The following NLN variants were observed in gnomAD, a reference collection of about 807,000 sequenced individuals.
The protein encoded by NLN is neurolysin, mitochondrial.
Under a neutral mutation model 79.9 loss-of-function variants are expected in NLN, and 64 were observed. The ratio of observed to expected loss-of-function variants is 0.80; its 90% CI spans 0.65 to 0.99. The LOEUF (loss-of-function observed/expected upper bound fraction) is 0.99, where lower values mean the gene tolerates loss of function less well. NLN is among the 50% of genes least tolerant of loss of function. The probability of loss-of-function intolerance (pLI) is 0.00; values close to 1 mark genes in which losing one functional copy is unlikely to be tolerated. For missense variants in NLN, 835 were observed against 858.7 expected, an observed-to-expected ratio of 0.97 and a Z score of 0.34; for synonymous variants, 267 against 296.6, an observed-to-expected ratio of 0.90 and a Z score of 1.02.
chr5:65,785,658 G>T, intron 6 of NLN, 117 bp from the exon 7 acceptor site: 1 of 754,912 alleles, frequency 1.3e-6, no homozygotes, highest in South Asian at 2.5e-5. Flanking sequence ...AATTTAAATG[G>T]TCTAAAAATA....
At chr5:65,727,555 A>G (rs1561174562) in intron 1 of NLN, among the ~76,000 whole-genome samples, 1 of 152,128 alleles carries the variant, frequency 6.6e-6, no homozygotes, top group African/African-American at 2.4e-5. Context: ...AAAAACCTCT[A>G]TATTGCCATA....
intron 9 of NLN, among the ~76,000 whole-genome samples, chr5:65,808,424 G>GA (rs1760469678): frequency 2.6e-5 from 4 of 152,296 alleles, no homozygotes; most frequent in Admixed American, 2.6e-4. Flanking sequence ...CATCAGAGGA[G>GA]AAAAACAGGA....
rs777920947 is a variant in NLN at position 65,722,410 on chromosome 5, C to T, written c.37C>T (p.Arg13Cys). Residue 13 changes from arginine to cysteine, a missense_variant, in exon 1 of 13, where the codon CGC becomes TGC. Arg to Cys is a radical substitution (Grantham distance 180, BLOSUM62 -3). Coordinates refer to ENST00000380985, the MANE Select transcript of NLN (RefSeq NM_020726.5). ...ARCLLAVRSL[R>C]RVGGSRILLR... The stretch of plus-strand genomic sequence containing the variant: ...GTGCCTTTTGGCTGTGCGAAGCCTC[C>T]GCAGGTACCTCCAGCGCGCGGGTTA... 1.3e-6 allele frequency: 2 copies of T among 1,589,968 alleles called. No homozygotes were observed. The highest frequency in any genetic ancestry group is 2.3e-5 in the South Asian group (2 of 87,254).
At chr5:65,802,728 G>A (rs1760315734) in intron 9 of NLN, among the ~76,000 whole-genome samples, 1 of 152,180 alleles carries the variant, frequency 6.6e-6, no homozygotes, top group South Asian at 2.1e-4. Context: ...CGCACAATGG[G>A]TAGCTCCTCT....
chr5:65,774,224 G>A (rs1759632512), intron 3 of NLN, among the ~76,000 whole-genome samples: 1 of 151,998 alleles, frequency 6.6e-6, no homozygotes, highest in Admixed American at 6.6e-5. Flanking sequence ...GTTACAGGAG[G>A]AAGTTAGCGG....
chr5:65,727,458 T>C (rs1758503091), intron 1 of NLN, among the ~76,000 whole-genome samples: 1 of 151,918 alleles, frequency 6.6e-6, no homozygotes, highest in Admixed American at 6.6e-5. Context: ...GAGTGTACTA[T>C]CATGCCTGGC....
At position 65,722,273 on chromosome 5, in the gene NLN, A is replaced by G; in HGVS notation, c.-101A>G. ...GGCAGCCACTGTGGCCTCTGCGGCT[A>G]GGCCGGCTCGAGACTCCCGGGCGCC... On this transcript the variant is annotated 5_prime_UTR_variant, in exon 1 of 13. Coordinates refer to ENST00000380985, the MANE Select transcript of NLN (RefSeq NM_020726.5). 1.1e-6 allele frequency: 1 copy of G among 888,260 alleles called. No individual in the cohort carries two copies. The highest frequency in any genetic ancestry group is 1.6e-6 in the Non-Finnish European group (1 of 616,632). 55.0% of individuals were successfully genotyped at this position (888,260 alleles called of 1,614,324 possible). A position where few individuals can be genotyped will look rare whatever the true frequency, so the allele number is the denominator to read the frequency against.
chr5:65,787,427 C>T (rs1759954757), intron 7 of NLN, among the ~76,000 whole-genome samples: 1 of 152,138 alleles, frequency 6.6e-6, no homozygotes, highest in African/African-American at 2.4e-5. Context: ...TGTGAGGTTG[C>T]CTTCTGAACT....
intron 9 of NLN, among the ~76,000 whole-genome samples, chr5:65,804,860 G>A (rs1259761511): frequency 6.6e-6 from 1 of 152,116 alleles, no homozygotes; most frequent in Admixed American, 6.6e-5. Context: ...TGTCTGTTAT[G>A]GTGATCTGTG....
At chr5:65,808,458 G>C (rs1760470536) in intron 9 of NLN, among the ~76,000 whole-genome samples, 1 of 152,172 alleles carries the variant, frequency 6.6e-6, no homozygotes, top group Admixed American at 6.5e-5. Context: ...AAAGACAACG[G>C]AATGAGGAGC....
chr5:65,736,104 T>C (rs34988), intron 1 of NLN, among the ~76,000 whole-genome samples: 69,047 of 152,014 alleles, frequency 0.45, 16,320 homozygotes, highest in Non-Finnish European at 0.52. Flanking sequence ...AGTGCCCCCT[T>C]CAACCATGTC....
chr5:65,801,663 A>G (rs910778296), intron 9 of NLN, among the ~76,000 whole-genome samples: 1 of 152,196 alleles, frequency 6.6e-6, no homozygotes, highest in Non-Finnish European at 1.5e-5. Flanking sequence ...TCTTTAGAAG[A>G]CATTGTTGAT....
intron 9 of NLN, among the ~76,000 whole-genome samples, chr5:65,798,518 GT>G (rs759955473): frequency 6.5e-4 from 99 of 152,306 alleles, no homozygotes; most frequent in Non-Finnish European, 1.2e-3. Flanking sequence ...CTCTGTGTGA[GT>G]TGACTGTTGA....
At chr5:65,774,639 T>C (rs903839212) in intron 3 of NLN, among the ~76,000 whole-genome samples, 3 of 151,954 alleles carry the variant, frequency 2.0e-5, no homozygotes, top group South Asian at 4.1e-4. Flanking sequence ...CTGGTTATAA[T>C]AGTCAGATTT....
chr5:65,771,695 T>G (rs1759569538), intron 3 of NLN, among the ~76,000 whole-genome samples: 2 of 152,210 alleles, frequency 1.3e-5, no homozygotes, highest in Admixed American at 1.3e-4. Flanking sequence ...TGACCAGCCA[T>G]GGAGACCCAG....
intron 1 of NLN, among the ~76,000 whole-genome samples, chr5:65,739,334 G>A (rs959833371): frequency 1.3e-5 from 2 of 151,992 alleles, no homozygotes; most frequent in African/African-American, 4.8e-5. Context: ...CATCCATGTT[G>A]TCACAAATGA....
chr5:65,801,134 G>A (rs1760276883), intron 9 of NLN, among the ~76,000 whole-genome samples: 1 of 152,062 alleles, frequency 6.6e-6, no homozygotes. Flanking sequence ...TGAAGTGTCA[G>A]CTACAAAAAA....
chr5:65,818,560 G>T (rs1760723980), intron 12 of NLN, among the ~76,000 whole-genome samples: 1 of 152,120 alleles, frequency 6.6e-6, no homozygotes, highest in South Asian at 2.1e-4. Context: ...GTCAGCACCA[G>T]TTTTTTTCTC....
chr5:65,772,830 A>G (rs1759597080), intron 3 of NLN, among the ~76,000 whole-genome samples: 2 of 151,678 alleles, frequency 1.3e-5, no homozygotes. Flanking sequence ...TCCCAGGCTC[A>G]AGTGATTCTC....
Sources: allele counts gnomAD v4.1 joint callset (sites outside exome capture counted in the v4.1 genomes callset), GRCh38; gene constraint gnomAD v4.1.1; transcripts MANE v1.5; gene names NCBI Gene and HGNC (gene_info 2026-07-23, HGNC 2026-07-21).